The following NEGR1 variants were observed in gnomAD, a reference collection of about 807,000 sequenced individuals.
NEGR1 encodes the protein IgLON family member 4.
A neutral mutation model predicts 40.9 loss-of-function variants in NEGR1; 10 were observed. That is an observed-to-expected ratio of 0.24 (90% CI 0.15 to 0.42). NEGR1 has a LOEUF of 0.42. NEGR1 is among the 10% of genes least tolerant of loss of function. NEGR1 has a pLI of 1.00. For missense variants in NEGR1, 352 were observed against 438.9 expected (o/e 0.80, Z 1.77); for synonymous variants, 185 against 166.8 (o/e 1.11, Z -0.84).
At chr1:71,597,856 T>G (rs1343058434) in intron 5 of NEGR1, among the ~76,000 whole-genome samples, 2 of 151,786 alleles carry the variant, frequency 1.3e-5, no homozygotes, top group African/African-American at 4.8e-5. Flanking sequence ...GAGGTTGCAG[T>G]GAGCCGAAAT....
At chr1:71,703,104 C>T (rs1653757699) in intron 3 of NEGR1, 1 of 151,902 alleles carries the variant, frequency 6.6e-6, no homozygotes, top group South Asian at 2.1e-4. Flanking sequence ...AACAACTGGG[C>T]ATTTGTAAGA....
intron 4 of NEGR1, among the ~76,000 whole-genome samples, chr1:71,691,520 C>T (rs1035459536): frequency 5.9e-5 from 9 of 151,684 alleles, no homozygotes; most frequent in Non-Finnish European, 1.3e-4. Context: ...AATCTCTTCT[C>T]TTACTCTTGC....
rs1051287045 is a variant in NEGR1, at chr1:72,257,339, A to T, written c.176+24980T>A. Among the ~76,000 whole-genome samples, 38 of 151,258 alleles carry T rather than the reference A, an allele frequency of 2.5e-4. No homozygotes were observed. In the East Asian group the frequency reaches 5.8e-3, roughly 23 times the overall value. On this transcript the variant is annotated intron_variant, in intron 1 of 6. Transcript: ENST00000357731. ...TCTGTCTCAAAAAAAAAAAAAAAAA[A>T]AAAAAGAATAGCACATAACATTTCT...
intron 2 of NEGR1, among the ~76,000 whole-genome samples, chr1:71,803,354 T>C (rs570331171): frequency 1.6e-4 from 24 of 152,150 alleles, no homozygotes; most frequent in Non-Finnish European, 2.2e-4. Context: ...CCTATAAAAA[T>C]AACTATCTTT....
chr1:71,526,377 C>CTT (rs1647216967), intron 6 of NEGR1, among the ~76,000 whole-genome samples: 1 of 151,572 alleles, frequency 6.6e-6, no homozygotes, highest in Non-Finnish European at 1.5e-5. Context: ...TTTCTTATTA[C>CTT]TTTTACAGTA....
At chr1:71,874,518 C>T (rs1660369772) in intron 2 of NEGR1, among the ~76,000 whole-genome samples, 1 of 152,130 alleles carries the variant, frequency 6.6e-6, no homozygotes, top group Non-Finnish European at 1.5e-5. Context: ...CTCATACCTA[C>T]AAAGCAACAT....
chr1:71,902,928 A>T (rs1340250759), intron 2 of NEGR1, among the ~76,000 whole-genome samples: 1 of 152,066 alleles, frequency 6.6e-6, no homozygotes, highest in African/African-American at 2.4e-5. Flanking sequence ...ATGTTTTCAT[A>T]TATTCATTAG....
chr1:72,084,818 A>G (rs1476970076), intron 1 of NEGR1, among the ~76,000 whole-genome samples: 5 of 152,182 alleles, frequency 3.3e-5, no homozygotes, highest in South Asian at 2.1e-4. Context: ...GAAAAGAAAA[A>G]CTGATTGTAT....
chr1:72,059,665 CAG>C (rs1350818264), intron 1 of NEGR1, among the ~76,000 whole-genome samples: 1 of 151,454 alleles, frequency 6.6e-6, no homozygotes, highest in Non-Finnish European at 1.5e-5. Flanking sequence ...CAAAATAAAA[CAG>C]TAATTTCCTC....
At chr1:71,811,232 A>C (rs1263001001) in intron 2 of NEGR1, among the ~76,000 whole-genome samples, 1 of 152,126 alleles carries the variant, frequency 6.6e-6, no homozygotes, top group Admixed American at 6.6e-5. Context: ...ATGATTTCTT[A>C]CTATTTCCTG....
intron 1 of NEGR1, among the ~76,000 whole-genome samples, chr1:71,958,513 T>C (rs1474600768): frequency 2.0e-5 from 3 of 152,190 alleles, no homozygotes; most frequent in Non-Finnish European, 2.9e-5. Context: ...AGACTGACTC[T>C]GATTATAATA....
At chr1:71,449,026 T>C (rs1646604762) in intron 6 of NEGR1, among the ~76,000 whole-genome samples, 1 of 152,188 alleles carries the variant, frequency 6.6e-6, no homozygotes, top group South Asian at 2.1e-4. Flanking sequence ...GCACATTGCT[T>C]TCATACTTTG....
intron 2 of NEGR1, among the ~76,000 whole-genome samples, chr1:71,930,255 C>T (rs1645842649): frequency 6.6e-6 from 1 of 152,086 alleles, no homozygotes; most frequent in Admixed American, 6.6e-5. Flanking sequence ...GTTCCTTATA[C>T]CTCACCGTGA....
At chr1:71,450,433 AC>A (rs1445061943) in intron 6 of NEGR1, among the ~76,000 whole-genome samples, 2 of 152,256 alleles carry the variant, frequency 1.3e-5, no homozygotes, top group African/African-American at 4.8e-5. Context: ...AATATAAGAC[AC>A]ATTTTTTAGA....
rs540957141 is a variant in NEGR1 at position 72,190,929 on chromosome 1, T to C, written c.176+91390A>G. ...CATTAACTAGTCTGTGTTTACTCTT[T>C]AGTTTTTATTTCACATGGATTCTGC... On this transcript the variant is annotated intron_variant, in intron 1 of 6. Transcript: ENST00000357731. Among the ~76,000 whole-genome samples, 71 of 151,864 alleles carry C rather than the reference T, an allele frequency of 4.7e-4. 1 individual carries two copies. Among genetic ancestry groups the C allele is most frequent in the African/African-American group, 1.6e-3 (67 of 41,532 alleles).
intron 2 of NEGR1, among the ~76,000 whole-genome samples, chr1:71,878,985 T>C (rs539483909): frequency 1.4e-4 from 21 of 152,002 alleles, no homozygotes; most frequent in African/African-American, 5.1e-4. Context: ...AATATAAAAT[T>C]AGCCAGGGGT....
chr1:71,750,877 T>C (rs78607785), intron 3 of NEGR1, among the ~76,000 whole-genome samples: 4,593 of 152,308 alleles, frequency 0.03, 105 homozygotes, highest in African/African-American at 0.053. Flanking sequence ...GACATGTATA[T>C]AAATTGATTT....
At chr1:72,179,651 T>C (rs1019453348) in intron 1 of NEGR1, among the ~76,000 whole-genome samples, 1 of 152,104 alleles carries the variant, frequency 6.6e-6, no homozygotes, top group African/African-American at 2.4e-5. Context: ...TGGCATAAAG[T>C]ACTAGGCATT....
intron 2 of NEGR1, among the ~76,000 whole-genome samples, chr1:71,803,003 A>G (rs1657615143): frequency 6.6e-6 from 1 of 152,174 alleles, no homozygotes; most frequent in Non-Finnish European, 1.5e-5. Flanking sequence ...GTAAGTGAGG[A>G]CATGAATTTG....
Sources: allele counts gnomAD v4.1 joint callset (sites outside exome capture counted in the v4.1 genomes callset), GRCh38; gene constraint gnomAD v4.1.1; transcripts MANE v1.5; gene names NCBI Gene and HGNC (gene_info 2026-07-23, HGNC 2026-07-21).